RIMS4: variants seen among roughly 807,000 people sequenced by gnomAD.
RIMS4 encodes the protein regulating synaptic membrane exocytosis protein 4.
A neutral mutation model predicts 29.0 loss-of-function variants in RIMS4; 9 were observed. The observed-to-expected ratio is 0.31, with a 90% CI of 0.19 to 0.54. The LOEUF is 0.54. RIMS4 is among the 20% of genes least tolerant of loss of function. The pLI, the probability that RIMS4 is intolerant of heterozygous loss-of-function variation, is 0.94. For missense variants in RIMS4, 193 were observed against 365.7 expected (o/e 0.53, Z 3.85); for synonymous variants, 130 against 152.9 (o/e 0.85, Z 1.10).
rs990145824 is a variant in RIMS4 at position 44,754,281 on chromosome 20, G to C, written c.*1853C>G. 1.9e-5 allele frequency: 3 copies of C among 153,884 alleles called. No individual in the cohort carries two copies. The highest frequency in any genetic ancestry group is 2.9e-5 in the Non-Finnish European group (2 of 68,670). The allele number at this position is 153,884 out of a possible 1,614,324, so 9.5% of individuals were successfully genotyped here. On this transcript the variant is annotated 3_prime_UTR_variant, in exon 6 of 6. Transcript: ENST00000372851. The stretch of plus-strand genomic sequence containing the variant: ...TCTCCATCTCCCCTTCCCAGTGCAG[G>C]GTAAGCAGCTCTGTGGAGGTGATAT...
Position 44,753,120 on chromosome 20 carries a change from G to A in RIMS4, c.*3014C>T, listed in dbSNP as rs533091411. 6 of 152,852 alleles carry A rather than the reference G, an allele frequency of 3.9e-5. No individual in the cohort carries two copies. Among genetic ancestry groups the A allele is most frequent in the Admixed American group, 2.0e-4 (3 of 15,310 alleles). The allele number at this position is 152,852 out of a possible 1,614,324, so 9.5% of individuals were successfully genotyped here. A position where few individuals can be genotyped will look rare whatever the true frequency, so the allele number is the denominator to read the frequency against. ...CTTCCCCCTTTGCACCCTTGCTGAG[G>A]GGTCTTGTGTGAGTCACTTCCTGTT... On this transcript the variant is annotated 3_prime_UTR_variant, in exon 6 of 6. Coordinates refer to ENST00000372851, the MANE Select transcript of RIMS4 (RefSeq NM_182970.4).
intron 1 of RIMS4, among the ~76,000 whole-genome samples, chr20:44,792,294 A>G (rs1213080458): frequency 6.6e-6 from 1 of 151,240 alleles, no homozygotes; most frequent in African/African-American, 2.4e-5. Flanking sequence ...TTATTATTAT[A>G]ATTTTTTTTT....
intron 1 of RIMS4, among the ~76,000 whole-genome samples, chr20:44,801,663 G>A (rs562575960): frequency 6.6e-6 from 1 of 152,258 alleles, no homozygotes; most frequent in Admixed American, 6.5e-5. Flanking sequence ...ATGGTCTCAT[G>A]GCCTGATGCA....
At chr20:44,807,093 A>G (rs955209878) in intron 1 of RIMS4, among the ~76,000 whole-genome samples, 2 of 152,230 alleles carry the variant, frequency 1.3e-5, no homozygotes, top group East Asian at 3.9e-4. Flanking sequence ...ACACACACAA[A>G]AAAACGCCTC....
chr20:44,768,134 C>T (rs765689436), intron 2 of RIMS4, among the ~76,000 whole-genome samples: 5 of 152,226 alleles, frequency 3.3e-5, no homozygotes, highest in Non-Finnish European at 7.3e-5. Flanking sequence ...GCTGGGAACA[C>T]AACATTTCCC....
chr20:44,785,555 G>A (rs117372144), intron 1 of RIMS4, among the ~76,000 whole-genome samples: 1,941 of 152,136 alleles, frequency 0.013, 16 homozygotes, highest in Non-Finnish European at 0.021. Context: ...GCAAATCTTA[G>A]TTCCTGCAGA....
chr20:44,794,274 C>T (rs1430502198), intron 1 of RIMS4, among the ~76,000 whole-genome samples: 1 of 152,274 alleles, frequency 6.6e-6, no homozygotes, highest in South Asian at 2.1e-4. Context: ...AAGCTTCTCT[C>T]GCTTTCTTCC....
At chr20:44,780,972 A>G (rs553682321) in intron 1 of RIMS4, among the ~76,000 whole-genome samples, 46 of 152,344 alleles carry the variant, frequency 3.0e-4, no homozygotes, top group African/African-American at 1.1e-3. Context: ...GTAACTCTAA[A>G]GGGTTATGCC....
chr20:44,798,027 C>T (rs1365061390), intron 1 of RIMS4, among the ~76,000 whole-genome samples: 2 of 152,324 alleles, frequency 1.3e-5, no homozygotes, highest in African/African-American at 4.8e-5. Context: ...AATCAACTAC[C>T]CCTTCTGCTT....
At chr20:44,766,568 G>T (rs1196460614) in intron 2 of RIMS4, among the ~76,000 whole-genome samples, 3 of 152,190 alleles carry the variant, frequency 2.0e-5, no homozygotes, top group Non-Finnish European at 4.4e-5. Context: ...GCGATGTATG[G>T]CCTTGACCAG....
chr20:44,785,381 C>A (rs2145466054), intron 1 of RIMS4, among the ~76,000 whole-genome samples: 1 of 152,194 alleles, frequency 6.6e-6, no homozygotes, highest in East Asian at 1.9e-4. Context: ...TGGATAATTA[C>A]TTTATTTTTT....
At chr20:44,779,691 A>T (rs532825125) in intron 1 of RIMS4, among the ~76,000 whole-genome samples, 1 of 152,350 alleles carries the variant, frequency 6.6e-6, no homozygotes, top group African/African-American at 2.4e-5. Flanking sequence ...AGATATTACA[A>T]ATAGCTCTGC....
chr20:44,762,584 A>G (rs555794091), intron 2 of RIMS4, among the ~76,000 whole-genome samples: 2 of 152,184 alleles, frequency 1.3e-5, no homozygotes, highest in South Asian at 4.1e-4. Context: ...GTGAGCAGAC[A>G]ATGGGGAACT....
At chr20:44,791,370 C>T (rs940480150) in intron 1 of RIMS4, among the ~76,000 whole-genome samples, 1 of 152,184 alleles carries the variant, frequency 6.6e-6, no homozygotes, top group African/African-American at 2.4e-5. Context: ...CCAGCTCTGC[C>T]ACTTGCTAGC....
intron 1 of RIMS4, among the ~76,000 whole-genome samples, chr20:44,796,255 C>T (rs1267496595): frequency 2.0e-5 from 3 of 151,992 alleles, no homozygotes; most frequent in African/African-American, 7.3e-5. Context: ...CAGGCATGAT[C>T]GGATTATTAG....
chr20:44,757,618 A>C, intron 4 of RIMS4, 52 bp downstream of exon 4: 2 of 1,448,758 alleles, frequency 1.4e-6, no homozygotes, highest in Admixed American at 3.3e-5. Context: ...ACCCATCAGG[A>C]TATCCTCCCT....
chr20:44,810,324 G>GGATTGGGCA lies in RIMS4; in HGVS notation c.-54_-53insTGCCCAATC. Reference sequence around the variant, plus strand: ...CGCGGCGGCGGCGGCGGCGGCGGGCGGCTTGGGCAGCTTGGCCGCCCCATT... The same window carrying GGATTGGGCA: ...CGCGGCGGCGGCGGCGGCGGCGGGCGGATTGGGCAGCTTGGGCAGCTTGGCCGCCCCATT... On this transcript the variant is annotated 5_prime_UTR_variant, in exon 1 of 6. Coordinates refer to ENST00000372851, the MANE Select transcript of RIMS4 (RefSeq NM_182970.4). The GGATTGGGCA allele has an allele frequency of 1.6e-6, 1 of 627,256 alleles. No homozygotes were observed. The highest frequency in any genetic ancestry group is 2.0e-6 in the Non-Finnish European group (1 of 494,828). 38.9% of individuals were successfully genotyped at this position (627,256 alleles called of 1,614,324 possible).
At chr20:44,794,666 C>G (rs1190428266) in intron 1 of RIMS4, among the ~76,000 whole-genome samples, 1 of 152,202 alleles carries the variant, frequency 6.6e-6, no homozygotes, top group Non-Finnish European at 1.5e-5. Flanking sequence ...TAATTTGTTC[C>G]TGCCTTCAAA....
chr20:44,794,214 C>T (rs781134024), intron 1 of RIMS4, among the ~76,000 whole-genome samples: 3 of 152,198 alleles, frequency 2.0e-5, no homozygotes, highest in Non-Finnish European at 4.4e-5. Context: ...TTACCAAAGC[C>T]TTTCCCAAAT....
Sources: gnomAD v4.1 joint callset for allele counts (sites outside exome capture counted in the v4.1 genomes callset) on GRCh38, gnomAD v4.1.1 for gene constraint, MANE v1.5 for transcripts, NCBI Gene and HGNC (gene_info 2026-07-23, HGNC 2026-07-21) for gene names.